The following FUT9 variants were observed in gnomAD, a reference collection of about 807,000 sequenced individuals.
FUT9 encodes the protein 4-galactosyl-N-acetylglucosaminide 3-alpha-L-fucosyltransferase 9.
In FUT9, 15 loss-of-function variants were observed where a neutral mutation model predicts 29.7. That is an observed-to-expected ratio of 0.51 (90% CI 0.34 to 0.78). The LOEUF is 0.78. Ranked by LOEUF, FUT9 falls within the 30% of genes least tolerant of loss-of-function variation. The pLI is 0.01. For synonymous variants in FUT9, 169 were observed against 153.7 expected, an observed-to-expected ratio of 1.10 and a Z score of -0.74; for missense variants, 319 against 425.4, an observed-to-expected ratio of 0.75 and a Z score of 2.20.
At position 96,211,999 on chromosome 6, in the gene FUT9, T is replaced by G. The variant is rs1380451155; in HGVS notation, c.*7764T>G. ...CAAATATAGATTTTATCTGAAAAAT[T>G]TTAAGGGCCAATTCTACAGAAAGTT... On this transcript the variant is annotated 3_prime_UTR_variant, in exon 3 of 3. Coordinates refer to ENST00000302103, the MANE Select transcript of FUT9 (RefSeq NM_006581.4). 2.4e-6 allele frequency: 1 copy of G among 410,826 alleles called. No homozygotes were observed. Among genetic ancestry groups the G allele is most frequent in the Non-Finnish European group, 4.5e-6 (1 of 224,690 alleles). The allele number at this position is 410,826 out of a possible 1,614,324, so 25.4% of individuals were successfully genotyped here.
intron 1 of FUT9, among the ~76,000 whole-genome samples, chr6:96,060,600 T>A (rs976494939): frequency 3.3e-5 from 5 of 152,006 alleles, no homozygotes; most frequent in Middle Eastern, 3.4e-3. Flanking sequence ...ACAGTTGCGC[T>A]ATCTGAGCTC....
At chr6:96,051,429 T>C (rs570375815) in intron 1 of FUT9, among the ~76,000 whole-genome samples, 39 of 152,162 alleles carry the variant, frequency 2.6e-4, no homozygotes, top group African/African-American at 9.4e-4. Context: ...GGTGAGAGGA[T>C]TGCTTGAAGC....
chr6:96,073,969 G>A (rs1013249739), intron 1 of FUT9, among the ~76,000 whole-genome samples: 1 of 152,092 alleles, frequency 6.6e-6, no homozygotes, highest in African/African-American at 2.4e-5. Context: ...CAAAATAACA[G>A]TATAACTACG....
At chr6:96,159,079 G>A (rs950699048) in intron 2 of FUT9, among the ~76,000 whole-genome samples, 7 of 152,098 alleles carry the variant, frequency 4.6e-5, no homozygotes, top group Non-Finnish European at 1.0e-4. Flanking sequence ...TCTTCTATTA[G>A]TGATTCTTAA....
In FUT9 at chr6:96,212,043, T is replaced by A. The variant is rs1446902729; in HGVS notation, c.*7808T>A. 4.9e-6 allele frequency: 2 copies of A among 412,124 alleles called. No individual in the cohort carries two copies. The highest frequency in any genetic ancestry group is 4.1e-5 in the African/African-American group (2 of 48,584). The allele number at this position is 412,124 out of a possible 1,614,324, so 25.5% of individuals were successfully genotyped here. A position where few individuals can be genotyped will look rare whatever the true frequency, so the allele number is the denominator to read the frequency against. ...GAAAGTTATGCTAACATGCTAACTT[T>A]CCACACATGGCTGCATTCCATTTTG... On this transcript the variant is annotated 3_prime_UTR_variant, in exon 3 of 3. Coordinates refer to ENST00000302103, the MANE Select transcript of FUT9 (RefSeq NM_006581.4).
intron 2 of FUT9, among the ~76,000 whole-genome samples, chr6:96,155,880 C>T (rs1179519285): frequency 6.6e-6 from 1 of 152,116 alleles, no homozygotes; most frequent in Non-Finnish European, 1.5e-5. Context: ...AAATAAATTT[C>T]TGCTGCTTAA....
At chr6:96,122,933 G>A (rs1400808608) in intron 2 of FUT9, among the ~76,000 whole-genome samples, 1 of 151,584 alleles carries the variant, frequency 6.6e-6, no homozygotes, top group Non-Finnish European at 1.5e-5. Flanking sequence ...GGTGGCGGGC[G>A]CCTGTAGTCC....
chr6:96,134,123 A>G (rs943578703), intron 2 of FUT9, among the ~76,000 whole-genome samples: 2 of 151,902 alleles, frequency 1.3e-5, no homozygotes, highest in Admixed American at 6.6e-5. Context: ...AAAAAAATTA[A>G]TAAAATAGTT....
At chr6:96,187,416 C>T (rs1242173866) in intron 2 of FUT9, among the ~76,000 whole-genome samples, 1 of 152,028 alleles carries the variant, frequency 6.6e-6, no homozygotes, top group East Asian at 1.9e-4. Flanking sequence ...TAGGGAGGAG[C>T]AGAAATGAGC....
Position 96,019,776 on chromosome 6 carries a change from T to G in FUT9, c.-98+3564T>G, listed in dbSNP as rs780290623. ...ATGCTCGGCATTCTTAATAGAAAGA[T>G]TCACGGAATTCAGATGTTGATTAGA... On this transcript the variant is annotated intron_variant, in intron 1 of 2. Coordinates refer to ENST00000302103, the MANE Select transcript of FUT9 (RefSeq NM_006581.4). Among the ~76,000 whole-genome samples the G allele has an allele frequency of 2.0e-5, 3 of 152,080 alleles. No individual in the cohort carries two copies. In the East Asian group the frequency reaches 5.8e-4, roughly 29 times the overall value.
Position 96,023,195 on chromosome 6 carries a change from G to A in FUT9, c.-98+6983G>A, listed in dbSNP as rs376511208. ...CAATAAGGTGCTGAACATTGTTTTTGTTTGTTGGGGATGAAGAGACAGCAG... is the reference window on the plus strand; with the variant it reads ...CAATAAGGTGCTGAACATTGTTTTTATTTGTTGGGGATGAAGAGACAGCAG... On this transcript the variant is annotated intron_variant, in intron 1 of 2. Transcript: ENST00000302103. Among the ~76,000 whole-genome samples the A allele has an allele frequency of 2.6e-5, 4 of 152,060 alleles. 1 individual carries two copies. Among genetic ancestry groups the A allele is most frequent in the African/African-American group, 7.2e-5 (3 of 41,542 alleles).
At position 96,033,334 on chromosome 6, in the gene FUT9, T is replaced by C. The variant is rs549759723; in HGVS notation, c.-98+17122T>C. 2.1e-3 allele frequency among the ~76,000 whole-genome samples: 325 copies of C among 151,686 alleles called. 1 individual carries two copies. The highest frequency in any genetic ancestry group is 7.5e-3 in the African/African-American group (312 of 41,482). On this transcript the variant is annotated intron_variant, in intron 1 of 2. Coordinates refer to ENST00000302103, the MANE Select transcript of FUT9 (RefSeq NM_006581.4). ...ACATCTAAGTCTCACTGAGAACTTT[T>C]TGATCACTAATTAAAGCTGCTAAAC...
At chr6:96,034,825 G>A (rs1408775) in intron 1 of FUT9, among the ~76,000 whole-genome samples, 66,358 of 151,346 alleles carry the variant, frequency 0.44, 14,596 homozygotes, top group Non-Finnish European at 0.46. Flanking sequence ...GGTGAAAAAA[G>A]GAAATTAGCC....
intron 1 of FUT9, among the ~76,000 whole-genome samples, chr6:96,019,693 A>AT (rs1035089001): frequency 2.0e-5 from 3 of 152,086 alleles, no homozygotes; most frequent in African/African-American, 7.2e-5. Context: ...AAATTCTGTG[A>AT]TTTTTACCTG....
chr6:96,098,859 G>A lies in FUT9; in HGVS notation c.-97-15180G>A, dbSNP rs114318141. On this transcript the variant is annotated intron_variant, in intron 1 of 2. Transcript: ENST00000302103. ...GTTGAAATCCAGGGGATTTAGATGA[G>A]GCATGGTACTGTCTGTTACTGTAAC... 3.2e-3 allele frequency among the ~76,000 whole-genome samples: 482 copies of A among 152,226 alleles called. 7 individuals carry two copies. Among genetic ancestry groups the A allele is most frequent in the African/African-American group, 0.011 (465 of 41,558 alleles).
At chr6:96,060,233 T>C (rs1294401121) in intron 1 of FUT9, among the ~76,000 whole-genome samples, 1 of 152,114 alleles carries the variant, frequency 6.6e-6, no homozygotes, top group Non-Finnish European at 1.5e-5. Context: ...GGAAATAAAC[T>C]CTTTAATTCA....
At chr6:96,137,200 C>A (rs1243218551) in intron 2 of FUT9, among the ~76,000 whole-genome samples, 1 of 151,598 alleles carries the variant, frequency 6.6e-6, no homozygotes, top group Non-Finnish European at 1.5e-5. Flanking sequence ...TGGGAGCCTA[C>A]CAAAAGAAAA....
chr6:96,139,569 C>T (rs13212152), intron 2 of FUT9, among the ~76,000 whole-genome samples: 26,452 of 152,210 alleles, frequency 0.17, 2,683 homozygotes, highest in East Asian at 0.31. Context: ...CTAGCAGAGG[C>T]TCTCCATGAC....
chr6:96,056,533 TTAG>T (rs1770772354), intron 1 of FUT9, among the ~76,000 whole-genome samples: 1 of 152,154 alleles, frequency 6.6e-6, no homozygotes, highest in African/African-American at 2.4e-5. Flanking sequence ...AGTCAGGGTA[TTAG>T]TAGTGAAGAA....
Sources: allele counts gnomAD v4.1 joint callset (sites outside exome capture counted in the v4.1 genomes callset), GRCh38; gene constraint gnomAD v4.1.1; transcripts MANE v1.5; gene names NCBI Gene and HGNC (gene_info 2026-07-23, HGNC 2026-07-21).